ULK4: variants seen among roughly 807,000 people sequenced by gnomAD.
ULK4 encodes unc-51 like kinase 4, also known as inactive serine/threonine-protein kinase ULK4.
A neutral mutation model predicts 160.6 loss-of-function variants in ULK4; 133 were observed. That is an observed-to-expected ratio of 0.83 (90% CI 0.72 to 0.96). The LOEUF (loss-of-function observed/expected upper bound fraction) is 0.96. Among genes scored for constraint, ULK4 ranks in the 40% least tolerant of loss-of-function variants. ULK4 has a pLI of 0.00. For synonymous variants in ULK4, 534 were observed against 539.8 expected (o/e 0.99, Z 0.15); for missense variants, 1,580 against 1,499.5 (o/e 1.05, Z -0.89).
intron 34 of ULK4, among the ~76,000 whole-genome samples, chr3:41,409,125 A>T (rs2082358322): frequency 6.6e-6 from 1 of 152,096 alleles, no homozygotes; most frequent in African/African-American, 2.4e-5. Context: ...ACACGGGAGC[A>T]CACACTTATA....
At chr3:41,935,773 T>C (rs1237509027) in intron 4 of ULK4, 28 bp downstream of exon 4, 2 of 1,589,688 alleles carry the variant, frequency 1.3e-6, no homozygotes, top group South Asian at 1.2e-5. Context: ...CAGAAGCAGT[T>C]AGAAAATCAA....
intron 35 of ULK4, among the ~76,000 whole-genome samples, chr3:41,388,642 C>A (rs1190695203): frequency 7.2e-5 from 11 of 152,142 alleles, no homozygotes; most frequent in East Asian, 3.9e-4. Context: ...ATCCTTTCCC[C>A]ATTTCTTGTT....
intron 12 of ULK4, among the ~76,000 whole-genome samples, chr3:41,901,471 C>T (rs1263317457): frequency 8.4e-4 from 37 of 44,218 alleles, no homozygotes; most frequent in African/African-American, 1.3e-3. Flanking sequence ...TGAGCCACCA[C>T]GCCCAGCCTT....
intron 19 of ULK4, among the ~76,000 whole-genome samples, chr3:41,812,931 C>T (rs1236740332): frequency 6.6e-6 from 1 of 152,308 alleles, no homozygotes; most frequent in East Asian, 1.9e-4. Context: ...CAGCCTACTC[C>T]ACAATCCACA....
chr3:41,556,558 G>A (rs1360554838), intron 32 of ULK4, among the ~76,000 whole-genome samples: 1 of 141,038 alleles, frequency 7.1e-6, no homozygotes, highest in Non-Finnish European at 1.5e-5. Context: ...CACAATATTG[G>A]CTCACTGCAA....
chr3:41,840,655 C>T (rs9810865), intron 17 of ULK4, among the ~76,000 whole-genome samples: 27,765 of 152,230 alleles, frequency 0.18, 2,611 homozygotes, highest in Middle Eastern at 0.32. Context: ...GGATTGCAGA[C>T]GGAGTCTCGC....
At chr3:41,838,303 G>A (rs1265871378) in intron 17 of ULK4, among the ~76,000 whole-genome samples, 1 of 152,142 alleles carries the variant, frequency 6.6e-6, no homozygotes, top group African/African-American at 2.4e-5. Context: ...TTGTAAAAAT[G>A]TCTGATTGGG....
At position 41,663,613 on chromosome 3, in the gene ULK4, A is replaced by G. The variant is rs753024256; in HGVS notation, c.3065T>C (p.Phe1022Ser). ...LVAMTEHNPTFTRLVEESKLI... is the reference protein window; with the variant it reads ...LVAMTEHNPTSTRLVEESKLI... ...AAATTTGAACTTCCAGTACCTTGTG[A>G]AAGTTGGGTTGTGTTCAGTCATCGC... The change falls in exon 30 of 37, where the codon TTC becomes TCC. Residue 1022 changes from phenylalanine to serine, a missense_variant. Transcript: ENST00000301831. The G allele has an allele frequency of 1.9e-6, 3 of 1,613,510 alleles. No individual in the cohort carries two copies. In the South Asian group the frequency reaches 3.3e-5, roughly 18 times the overall value.
At chr3:41,909,263 GA>G (rs34588977) in intron 11 of ULK4, among the ~76,000 whole-genome samples, 3 of 142,692 alleles carry the variant, frequency 2.1e-5, no homozygotes, top group East Asian at 2.2e-4. Context: ...TCCATCTCAA[GA>G]AAAAAAAAAT....
rs374749723 is a variant in ULK4, at chr3:41,842,657, G to T, written c.1657-6686C>A. ...TACTCCCCTTCACCTTCTGCCATGAGTGGAAACAGCCTGAAGCCCTCACCA... is the reference window on the plus strand; with the variant it reads ...TACTCCCCTTCACCTTCTGCCATGATTGGAAACAGCCTGAAGCCCTCACCA... On this transcript the variant is annotated intron_variant, in intron 17 of 36. Coordinates refer to ENST00000301831, the MANE Select transcript of ULK4 (RefSeq NM_017886.4). Among the ~76,000 whole-genome samples the T allele has an allele frequency of 3.5e-4, 53 of 152,316 alleles. 1 individual carries two copies. In the South Asian group the frequency reaches 0.011, roughly 32 times the overall value.
chr3:41,608,396 T>G (rs2032491277), intron 31 of ULK4, among the ~76,000 whole-genome samples: 1 of 152,228 alleles, frequency 6.6e-6, no homozygotes, highest in African/African-American at 2.4e-5. Flanking sequence ...ATTTCTACTT[T>G]CTCAAAAAGT....
chr3:41,621,365 T>C (rs1477375226), intron 30 of ULK4, among the ~76,000 whole-genome samples: 1 of 152,156 alleles, frequency 6.6e-6, no homozygotes, highest in East Asian at 1.9e-4. Flanking sequence ...CTTCAAACTA[T>C]ACTAAAAGGC....
chr3:41,318,808 A>G (rs143009069), intron 35 of ULK4, among the ~76,000 whole-genome samples: 162 of 152,328 alleles, frequency 1.1e-3, no homozygotes, highest in Middle Eastern at 3.4e-3. Context: ...GGATCCAGTC[A>G]TGGCTTGCAA....
chr3:41,752,815 G>C (rs540370251), intron 22 of ULK4, among the ~76,000 whole-genome samples: 67 of 152,222 alleles, frequency 4.4e-4, no homozygotes, highest in African/African-American at 1.6e-3. Context: ...TGAGCAAAAT[G>C]TTATCTCCCC....
At chr3:41,347,328 GAATT>G (rs2080820943) in intron 35 of ULK4, among the ~76,000 whole-genome samples, 1 of 152,030 alleles carries the variant, frequency 6.6e-6, no homozygotes. Context: ...ATAAAATAAA[GAATT>G]ATTTTGTTGG....
At chr3:41,259,096 A>ATT (rs932520825) in intron 35 of ULK4, among the ~76,000 whole-genome samples, 3 of 133,966 alleles carry the variant, frequency 2.2e-5, no homozygotes, top group African/African-American at 7.3e-5. Context: ...ATATATACAT[A>ATT]TATGTATATG....
rs567791694 is a variant in ULK4, at chr3:41,859,629, G to A, written c.1657-23658C>T. 75 of 473,172 alleles carry A rather than the reference G, an allele frequency of 1.6e-4. 1 individual carries two copies. Among genetic ancestry groups the A allele is most frequent in the African/African-American group, 3.9e-4 (19 of 48,958 alleles). The allele number at this position is 473,172 out of a possible 1,614,324, so 29.3% of individuals were successfully genotyped here. ...CTGAGCTGCCAGCCTCTGCCCCACC[G>A]CTTCATTTCCCAAATTCCTTCTTTT... is the stretch of plus-strand genomic sequence containing the variant. On this transcript the variant is annotated intron_variant, in intron 17 of 36. Coordinates refer to ENST00000301831, the MANE Select transcript of ULK4 (RefSeq NM_017886.4).
Position 41,838,417 on chromosome 3 carries a change from C to T in ULK4, c.1657-2446G>A, listed in dbSNP as rs538683922. Among the ~76,000 whole-genome samples, 6 of 152,074 alleles carry T rather than the reference C, an allele frequency of 3.9e-5. No homozygotes were observed. The South Asian group carries it at 6.2e-4, about 16-fold the overall frequency. On this transcript the variant is annotated intron_variant, in intron 17 of 36. Transcript: ENST00000301831. ...ATTTTCTACACTTCAACTAGTAAAA[C>T]GGTGACACCAGTAGACTGTTTTATG...
At chr3:41,938,809 G>A (rs1312485206) in intron 2 of ULK4, among the ~76,000 whole-genome samples, 3 of 152,110 alleles carry the variant, frequency 2.0e-5, no homozygotes, top group Non-Finnish European at 2.9e-5. Context: ...CATAGCTACC[G>A]TTATTGGTGA....
Sources: gnomAD v4.1 joint callset for allele counts (sites outside exome capture counted in the v4.1 genomes callset) on GRCh38, gnomAD v4.1.1 for gene constraint, MANE v1.5 for transcripts, NCBI Gene and HGNC (gene_info 2026-07-23, HGNC 2026-07-21) for gene names.